Variants in GLIS3 observed in about 807,000 individuals in gnomAD.
GLIS3 encodes the protein zinc finger protein GLIS3.
GLIS3 carries 53 observed loss-of-function variants against 78.6 expected under a neutral mutation model. That is an observed-to-expected ratio of 0.67 (90% CI 0.54 to 0.85). GLIS3 has a LOEUF of 0.85. Among genes scored for constraint, GLIS3 ranks in the 40% least tolerant of loss-of-function variants. GLIS3 has a pLI of 0.00. For synonymous variants in GLIS3, 684 were observed against 509.9 expected (o/e 1.34, Z -4.60); for missense variants, 1,703 against 1,231.1 (o/e 1.38, Z -5.74).
chr9:4,422,430 A>T, the GLIS3 span, among the ~76,000 whole-genome samples: 4 of 152,226 alleles, frequency 2.6e-5, no homozygotes, highest in African/African-American at 9.6e-5. Context: ...TGTATGTGAG[A>T]TGATAAAAAG....
At chr9:4,340,445 T>C (rs1301106836) in intron 2 of GLIS3, among the ~76,000 whole-genome samples, 2 of 152,168 alleles carry the variant, frequency 1.3e-5, no homozygotes, top group East Asian at 3.8e-4. Context: ...TTTTATTTTG[T>C]CTTACCCAGT....
chr9:4,198,369 T>G (rs1819057835), intron 2 of GLIS3, among the ~76,000 whole-genome samples: 1 of 152,216 alleles, frequency 6.6e-6, no homozygotes, highest in African/African-American at 2.4e-5. Context: ...TTTCTAATTC[T>G]AACTCTAGAA....
intron 4 of GLIS3, among the ~76,000 whole-genome samples, chr9:4,062,812 C>T (rs1451146866): frequency 6.6e-6 from 1 of 151,952 alleles, no homozygotes; most frequent in East Asian, 1.9e-4. Context: ...ACCTGTAGTC[C>T]CAGCTACTTG....
chr9:3,998,750 TTA>T (rs1194599090), intron 4 of GLIS3, among the ~76,000 whole-genome samples: 5 of 149,340 alleles, frequency 3.3e-5, no homozygotes, highest in African/African-American at 7.3e-5. Context: ...GGTTTTAATT[TTA>T]TGTTTATTAA....
intron 4 of GLIS3, among the ~76,000 whole-genome samples, chr9:4,056,855 G>C (rs73641298): frequency 0.019 from 2,717 of 143,466 alleles, 93 homozygotes; most frequent in African/African-American, 0.065. Flanking sequence ...GCCCAAATAA[G>C]ATCATCTTTG....
intron 2 of GLIS3, among the ~76,000 whole-genome samples, chr9:4,131,764 T>G (rs1486448145): frequency 6.6e-6 from 1 of 152,156 alleles, no homozygotes; most frequent in Non-Finnish European, 1.5e-5. Context: ...GAGAACGGAC[T>G]AATACAACCT....
rs1816927519 is a variant in GLIS3 at position 4,299,497 on chromosome 9, G to A, written c.-175C>T. On this transcript the variant is annotated 5_prime_UTR_variant, in exon 1 of 11. Coordinates refer to ENST00000381971, the MANE Select transcript of GLIS3 (RefSeq NM_001042413.2). ...GGCCGGCCAGCGCGAGTGACAGCGG[G>A]CGGCCGGCGCTGGCGAGGAGTAACT... 1.3e-5 allele frequency: 2 copies of A among 152,644 alleles called. No homozygotes were observed. The highest frequency in any genetic ancestry group is 1.9e-4 in the East Asian group (1 of 5,148). The allele number at this position is 152,644 out of a possible 1,614,324, so 9.5% of individuals were successfully genotyped here. A position where few individuals can be genotyped will look rare whatever the true frequency, so the allele number is the denominator to read the frequency against.
chr9:4,421,292 C>A, the GLIS3 span, among the ~76,000 whole-genome samples: 1 of 152,188 alleles, frequency 6.6e-6, no homozygotes, highest in Non-Finnish European at 1.5e-5. Flanking sequence ...CCATCCAAGA[C>A]AATTCACCAA....
intron 2 of GLIS3, among the ~76,000 whole-genome samples, chr9:4,140,322 C>T (rs566735036): frequency 6.6e-5 from 10 of 151,946 alleles, no homozygotes; most frequent in Admixed American, 3.9e-4. Flanking sequence ...AGACCCTGTC[C>T]CCAAAAAACA....
chr9:3,901,697 C>T (rs183849137), intron 6 of GLIS3, among the ~76,000 whole-genome samples: 2 of 152,166 alleles, frequency 1.3e-5, no homozygotes, highest in Non-Finnish European at 2.9e-5. Flanking sequence ...AGGGAAGGGA[C>T]ATTTAACACA....
chr9:3,891,896 C>G (rs532599293), intron 7 of GLIS3, among the ~76,000 whole-genome samples: 9 of 152,112 alleles, frequency 5.9e-5, no homozygotes, highest in Non-Finnish European at 8.8e-5. Context: ...TCCCTGTGAA[C>G]CAGCCTGAGG....
At chr9:4,295,277 T>C (rs1816379501) in intron 1 of GLIS3, among the ~76,000 whole-genome samples, 1 of 152,068 alleles carries the variant, frequency 6.6e-6, no homozygotes, top group African/African-American at 2.4e-5. Context: ...TGAATTTTCC[T>C]GCTTCCTACA....
rs1293348227 is a variant in GLIS3, at chr9:4,189,140, A to G, written c.389-63199T>C. Among the ~76,000 whole-genome samples the G allele has an allele frequency of 1.1e-4, 16 of 151,002 alleles. No homozygotes were observed. The East Asian group carries it at 3.1e-3, about 29-fold the overall frequency. On this transcript the variant is annotated intron_variant, in intron 2 of 10. Coordinates refer to ENST00000381971, the MANE Select transcript of GLIS3 (RefSeq NM_001042413.2). ...CTTTCTCTTGTGGGCATTTAGTGCT[A>G]TAAACTTCCCTCTACACACTGCTTT...
intron 1 of GLIS3, among the ~76,000 whole-genome samples, chr9:4,290,597 C>T (rs537482096): frequency 1.3e-5 from 2 of 152,192 alleles, no homozygotes; most frequent in East Asian, 1.9e-4. Context: ...AAGCACATTT[C>T]GCAATTCAAT....
chr9:4,204,110 A>T (rs10115385), intron 2 of GLIS3, among the ~76,000 whole-genome samples: 47,847 of 152,128 alleles, frequency 0.31, 7,676 homozygotes, highest in East Asian at 0.37. Context: ...GAAATTACTT[A>T]AAAAAGAGAT....
chr9:3,928,251 C>A (rs1825382348), intron 6 of GLIS3, among the ~76,000 whole-genome samples: 1 of 152,046 alleles, frequency 6.6e-6, no homozygotes, highest in Admixed American at 6.6e-5. Context: ...TACTAATATT[C>A]TATTAATAGT....
At chr9:3,919,753 T>C (rs1480740697) in intron 6 of GLIS3, among the ~76,000 whole-genome samples, 2 of 151,940 alleles carry the variant, frequency 1.3e-5, no homozygotes, top group Admixed American at 1.3e-4. Flanking sequence ...AGAAAGGGGC[T>C]TGAAGAATTT....
intron 2 of GLIS3, among the ~76,000 whole-genome samples, chr9:4,129,639 GA>G (rs1177396948): frequency 1.2e-4 from 19 of 152,272 alleles, no homozygotes; most frequent in Admixed American, 6.5e-4. Flanking sequence ...GGCCTCCCCA[GA>G]AGCTTCTATG....
intron 4 of GLIS3, among the ~76,000 whole-genome samples, chr9:4,044,209 G>C (rs1005857546): frequency 5.3e-5 from 8 of 152,150 alleles, no homozygotes; most frequent in Non-Finnish European, 8.8e-5. Flanking sequence ...CAAAGTCTTC[G>C]GAACAGTGTG....
Sources: gnomAD v4.1 joint callset for allele counts (sites outside exome capture counted in the v4.1 genomes callset) on GRCh38, gnomAD v4.1.1 for gene constraint, MANE v1.5 for transcripts, NCBI Gene and HGNC (gene_info 2026-07-23, HGNC 2026-07-21) for gene names.